The following ADAM10 variants were observed in gnomAD, a reference collection of about 807,000 sequenced individuals.
ADAM10 encodes ADAM metallopeptidase domain 10, also known as disintegrin and metalloproteinase domain-containing protein 10.
A neutral mutation model predicts 90.1 loss-of-function variants in ADAM10; 17 were observed. The ratio of observed to expected loss-of-function variants is 0.19; its 90% CI spans 0.13 to 0.28. The LOEUF (loss-of-function observed/expected upper bound fraction) is 0.28, where lower values mean the gene tolerates loss of function less well. Ranked by LOEUF, ADAM10 falls within the 10% of genes least tolerant of loss-of-function variation. The probability of loss-of-function intolerance (pLI) is 1.00; values close to 1 mark genes in which losing one functional copy is unlikely to be tolerated. For synonymous variants in ADAM10, 310 were observed against 298.6 expected, an observed-to-expected ratio of 1.04 and a Z score of -0.40; for missense variants, 610 against 914.3, an observed-to-expected ratio of 0.67 and a Z score of 4.29.
At chr15:58,630,928 C>CA (rs2140671216) in intron 9 of ADAM10, among the ~76,000 whole-genome samples, 2 of 152,264 alleles carry the variant, frequency 1.3e-5, no homozygotes, top group South Asian at 4.1e-4. Context: ...GTCATGGGGG[C>CA]AGATCCCTCA....
At chr15:58,638,240 C>G (rs1307748952) in intron 8 of ADAM10, among the ~76,000 whole-genome samples, 3 of 151,958 alleles carry the variant, frequency 2.0e-5, no homozygotes, top group African/African-American at 7.3e-5. Flanking sequence ...GGAAAAAAAG[C>G]AGAGGGGGGG....
intron 2 of ADAM10, among the ~76,000 whole-genome samples, chr15:58,702,832 G>C (rs1327394891): frequency 6.6e-6 from 1 of 152,178 alleles, no homozygotes; most frequent in Non-Finnish European, 1.5e-5. Context: ...AAGAAGGAAT[G>C]AGGGAGAGCC....
intron 4 of ADAM10, among the ~76,000 whole-genome samples, chr15:58,671,735 T>C (rs1049917528): frequency 6.6e-6 from 1 of 152,158 alleles, no homozygotes; most frequent in African/African-American, 2.4e-5. Context: ...TTTTTTAAAG[T>C]GAGCCTAAAA....
chr15:58,636,647 A>AT (rs1896262678), intron 8 of ADAM10, among the ~76,000 whole-genome samples: 1 of 152,140 alleles, frequency 6.6e-6, no homozygotes, highest in African/African-American at 2.4e-5. Context: ...TATAATGACA[A>AT]TTTTCTATCT....
chr15:58,624,723 G>C (rs1259062009), intron 10 of ADAM10, among the ~76,000 whole-genome samples: 2 of 152,146 alleles, frequency 1.3e-5, no homozygotes, highest in East Asian at 3.9e-4. Context: ...TGTAGAGACA[G>C]GGTTTCGCTA....
At chr15:58,694,287 C>T (rs572720776) in intron 2 of ADAM10, among the ~76,000 whole-genome samples, 9 of 152,214 alleles carry the variant, frequency 5.9e-5, no homozygotes, top group Admixed American at 5.2e-4. Context: ...CCCGTCTGTA[C>T]TAAACATACA....
chr15:58,658,299 G>C (rs1397906957), intron 5 of ADAM10, among the ~76,000 whole-genome samples: 2 of 151,976 alleles, frequency 1.3e-5, no homozygotes, highest in Non-Finnish European at 2.9e-5. Flanking sequence ...ATTACCTTGG[G>C]ACTTTTGCAA....
At chr15:58,714,292 T>TAC (rs71116591) in intron 2 of ADAM10, among the ~76,000 whole-genome samples, 77,114 of 142,842 alleles carry the variant, frequency 0.54, 21,259 homozygotes, top group Middle Eastern at 0.68. Flanking sequence ...TACATACACA[T>TAC]ACACACACAC....
intron 2 of ADAM10, among the ~76,000 whole-genome samples, chr15:58,714,343 C>T (rs1567008827): frequency 6.7e-6 from 1 of 148,404 alleles, no homozygotes; most frequent in African/African-American, 2.6e-5. Context: ...TGTGCTACTA[C>T]CCAGAAATGT....
rs71425819 is a variant in ADAM10, at chr15:58,683,859, CAAA to C, written c.207-1548_207-1546del. 1.2e-4 allele frequency among the ~76,000 whole-genome samples: 8 copies of C among 67,250 alleles called. No individual in the cohort carries two copies. The South Asian group carries it at 1.7e-3, about 14-fold the overall frequency. The allele number at this position is 67,250 out of a possible 152,430, so 44.1% of individuals were successfully genotyped here. A position where few individuals can be genotyped will look rare whatever the true frequency, so the allele number is the denominator to read the frequency against. On this transcript the variant is annotated intron_variant, in intron 2 of 15. Transcript: ENST00000260408. Reference sequence around the variant, plus strand: ...TGGGTGACAAAGTGAGGCTCCATCTCAAAAAAAAAAAAAAAAAAAAAAAAGAGA... The same window carrying C: ...TGGGTGACAAAGTGAGGCTCCATCTCAAAAAAAAAAAAAAAAAAAAAGAGA...
chr15:58,730,775 C>G (rs1475298447), intron 1 of ADAM10, among the ~76,000 whole-genome samples: 1 of 152,100 alleles, frequency 6.6e-6, no homozygotes, highest in Non-Finnish European at 1.5e-5. Context: ...TCCACCTGCA[C>G]TGTGGGCAGG....
At chr15:58,598,863 TAA>T (rs1895031043) in intron 15 of ADAM10, among the ~76,000 whole-genome samples, 1 of 152,194 alleles carries the variant, frequency 6.6e-6, no homozygotes, top group Non-Finnish European at 1.5e-5. Context: ...AGACCAGAAC[TAA>T]AGAGTTGTTT....
intron 2 of ADAM10, chr15:58,692,214 T>C: frequency 1.8e-6 from 1 of 569,996 alleles, no homozygotes; most frequent in Non-Finnish European, 3.5e-6. Context: ...TGAACAGCAA[T>C]GCCCTGAATT....
At chr15:58,713,314 C>A (rs1222803950) in intron 2 of ADAM10, among the ~76,000 whole-genome samples, 1 of 152,034 alleles carries the variant, frequency 6.6e-6, no homozygotes, top group Non-Finnish European at 1.5e-5. Flanking sequence ...CCATGTTGCC[C>A]AGACTGGTCT....
At chr15:58,645,408 A>T (rs1438037325) in intron 6 of ADAM10, among the ~76,000 whole-genome samples, 1 of 152,126 alleles carries the variant, frequency 6.6e-6, no homozygotes, top group Non-Finnish European at 1.5e-5. Flanking sequence ...TCAATCTCTC[A>T]AGGCTACCCT....
At chr15:58,737,582 T>A (rs1443569037) in intron 1 of ADAM10, among the ~76,000 whole-genome samples, 1 of 152,192 alleles carries the variant, frequency 6.6e-6, no homozygotes, top group Admixed American at 6.5e-5. Flanking sequence ...TAACAACACG[T>A]ATCTCATAGA....
At position 58,622,944 on chromosome 15, in the gene ADAM10, C is replaced by G. The variant is rs143908900; in HGVS notation, c.1361-1323G>C. Among the ~76,000 whole-genome samples the G allele has an allele frequency of 2.0e-3, 299 of 152,290 alleles. 1 individual carries two copies. Among genetic ancestry groups the G allele is most frequent in the African/African-American group, 6.7e-3 (279 of 41,554 alleles). ...TATCCCAGTATAGGCAAAACACAGA[C>G]TATATCTAGGGTTTTCTAGGTCTAC... On this transcript the variant is annotated intron_variant, in intron 10 of 15. Transcript: ENST00000260408.
At position 58,610,259 on chromosome 15, in the gene ADAM10, C is replaced by T. The variant is rs775595685; in HGVS notation, c.2025+38G>A. The stretch of plus-strand genomic sequence containing the variant: ...TGGCCAAGTAAAATTAAGATCAAAC[C>T]ACTTTAAGTTTTCTTTGTAAATAAA... On this transcript the variant is annotated intron_variant, in intron 14 of 15. Coordinates refer to ENST00000260408, the MANE Select transcript of ADAM10 (RefSeq NM_001110.4). The T allele has an allele frequency of 5.1e-6, 8 of 1,576,986 alleles. No individual in the cohort carries two copies. In the East Asian group the frequency reaches 1.6e-4, roughly 31 times the overall value.
At chr15:58,679,989 T>C (rs1356406998) in intron 3 of ADAM10, among the ~76,000 whole-genome samples, 1 of 152,174 alleles carries the variant, frequency 6.6e-6, no homozygotes, top group Non-Finnish European at 1.5e-5. Flanking sequence ...ACTTTCAGAA[T>C]AAAGACATCC....
Sources: allele counts gnomAD v4.1 joint callset (sites outside exome capture counted in the v4.1 genomes callset), GRCh38; gene constraint gnomAD v4.1.1; transcripts MANE v1.5; gene names NCBI Gene and HGNC (gene_info 2026-07-23, HGNC 2026-07-21).